Variants in KDM1A observed in about 807,000 individuals in gnomAD.
The protein encoded by KDM1A is lysine-specific histone demethylase 1A.
Under a neutral mutation model 109.4 loss-of-function variants are expected in KDM1A, and 49 were observed. The ratio of observed to expected loss-of-function variants is 0.45; its 90% confidence interval spans 0.36 to 0.57. The LOEUF is 0.57. KDM1A is among the 20% of genes least tolerant of loss of function. KDM1A has a pLI of 0.00. For missense variants in KDM1A, 668 were observed against 1,116.6 expected, an observed-to-expected ratio of 0.60 and a Z score of 5.73; for synonymous variants, 380 against 415.4, an observed-to-expected ratio of 0.91 and a Z score of 1.04.
intron 19 of KDM1A, 111 bp from the exon 20 acceptor site, chr1:23,082,109 G>T: frequency 8.0e-6 from 9 of 1,122,842 alleles, no homozygotes; most frequent in Non-Finnish European, 1.2e-5. Context: ...CTCACATGTT[G>T]CCCCTCTTTC....
At chr1:23,063,128 C>CTT (rs752039392) in intron 9 of KDM1A, among the ~76,000 whole-genome samples, 2 of 117,994 alleles carry the variant, frequency 1.7e-5, no homozygotes, top group Non-Finnish European at 3.5e-5. Context: ...ATGGGCTTTA[C>CTT]TTTTTTTTTT....
At chr1:23,081,915 T>C (rs1454466880) in intron 19 of KDM1A, 1 of 430,056 alleles carries the variant, frequency 2.3e-6, no homozygotes, top group Non-Finnish European at 4.2e-6. Context: ...TGAAATACTT[T>C]AACCCTTTAG....
chr1:23,030,354 C>A, intron 1 of KDM1A, 115 bp from the exon 2 acceptor site: 1 of 733,194 alleles, frequency 1.4e-6, no homozygotes, highest in Non-Finnish European at 2.0e-6. Context: ...TTGTTGTATG[C>A]TTACTTCCCT....
chr1:23,020,200 G>A, intron 1 of KDM1A: 1 of 391,330 alleles, frequency 2.6e-6, no homozygotes, highest in Non-Finnish European at 4.5e-6. Context: ...TGCTGGGAGG[G>A]GTATTTTATT....
At chr1:23,023,597 G>C (rs1325830465) in intron 1 of KDM1A, among the ~76,000 whole-genome samples, 1 of 152,038 alleles carries the variant, frequency 6.6e-6, no homozygotes, top group Non-Finnish European at 1.5e-5. Context: ...GATTACTTTA[G>C]TTTCATAATA....
chr1:23,069,205 CTT>C, intron 12 of KDM1A, 54 bp downstream of exon 12: 1 of 1,162,034 alleles, frequency 8.6e-7, no homozygotes, highest in South Asian at 1.5e-5. Flanking sequence ...GAGAAAAAGT[CTT>C]TAGAAATTTT....
At chr1:23,030,951 T>G (rs569430798) in intron 2 of KDM1A, among the ~76,000 whole-genome samples, 1 of 152,192 alleles carries the variant, frequency 6.6e-6, no homozygotes, top group East Asian at 1.9e-4. Flanking sequence ...AAATAAATGA[T>G]TAGAAAAAAC....
At chr1:23,045,525 C>A (rs1642477765) in intron 3 of KDM1A, among the ~76,000 whole-genome samples, 1 of 152,170 alleles carries the variant, frequency 6.6e-6, no homozygotes, top group Admixed American at 6.5e-5. Flanking sequence ...TGTTCAGAGT[C>A]TAGATCTGTG....
chr1:23,082,288 T>C lies in KDM1A; in HGVS notation c.2367T>C (p.Ala789=). The change falls in exon 20 of 21, where the codon GCT becomes GCC. Residue 789 remains alanine (A), a synonymous_variant. Coordinates refer to ENST00000400181, the MANE Select transcript of KDM1A (RefSeq NM_001009999.3). ...CTCGGGGCTCTTATTCCTATGTTGCTGCAGGATCATCTGGAAATGACTATG... is the reference window on the plus strand; with the variant it reads ...CTCGGGGCTCTTATTCCTATGTTGCCGCAGGATCATCTGGAAATGACTATG... ...PWARGSYSYV[A]AGSSGNDYDL... is the part of the protein sequence containing the mutation. 6.2e-7 allele frequency: 1 copy of C among 1,614,024 alleles called. No individual in the cohort carries two copies. Among genetic ancestry groups the C allele is most frequent in the Non-Finnish European group, 8.5e-7 (1 of 1,179,974 alleles).
At chr1:23,069,224 A>G in intron 12 of KDM1A, 73 bp downstream of exon 12, 1 of 918,638 alleles carries the variant, frequency 1.1e-6, no homozygotes, top group East Asian at 2.7e-5. Flanking sequence ...TTTTAAAAGC[A>G]TTTCCGAGAT....
chr1:23,066,645 A>T (rs1003349997), intron 10 of KDM1A, among the ~76,000 whole-genome samples: 1 of 152,174 alleles, frequency 6.6e-6, no homozygotes, highest in African/African-American at 2.4e-5. Context: ...TCCTCTTGCT[A>T]GGCATTTTAG....
At chr1:23,049,334 T>G (rs2124448050) in intron 3 of KDM1A, among the ~76,000 whole-genome samples, 1 of 152,220 alleles carries the variant, frequency 6.6e-6, no homozygotes, top group Middle Eastern at 3.4e-3. Context: ...GCATTTATTG[T>G]GCTTGTGTTT....
chr1:23,046,679 C>T (rs563379699), intron 3 of KDM1A, among the ~76,000 whole-genome samples: 1 of 152,226 alleles, frequency 6.6e-6, no homozygotes, highest in East Asian at 1.9e-4. Flanking sequence ...TAAATTATTC[C>T]TTCAAATATT....
intron 12 of KDM1A, among the ~76,000 whole-genome samples, chr1:23,070,369 G>A (rs1228395039): frequency 1.3e-5 from 2 of 152,142 alleles, no homozygotes; most frequent in African/African-American, 4.8e-5. Flanking sequence ...TACTCAGGAG[G>A]CTGAGGCATG....
chr1:23,071,450 CAATCACA>C, intron 13 of KDM1A, 91 bp downstream of exon 13: 1 of 1,252,696 alleles, frequency 8.0e-7, no homozygotes, highest in Non-Finnish European at 1.1e-6. Flanking sequence ...AGCCACTAGC[CAATCACA>C]AGTGCCTTCA....
rs1376066332 is a variant in KDM1A, at chr1:23,028,622, A to T, written c.352-1847A>T. 2.6e-5 allele frequency among the ~76,000 whole-genome samples: 4 copies of T among 152,276 alleles called. No homozygotes were observed. In the East Asian group the frequency reaches 7.7e-4, roughly 29 times the overall value. On this transcript the variant is annotated intron_variant, in intron 1 of 20. Transcript: ENST00000400181. ...AATCTTTGGGGAAGAGTCAAGCACT[A>T]TTGAGGGGTAAAAGGAGAAAGAAAA...
intron 9 of KDM1A, among the ~76,000 whole-genome samples, chr1:23,064,762 G>A (rs1643114399): frequency 6.6e-6 from 1 of 152,178 alleles, no homozygotes; most frequent in Admixed American, 6.5e-5. Flanking sequence ...GACACATTTA[G>A]AGACAGTCCA....
intron 9 of KDM1A, among the ~76,000 whole-genome samples, chr1:23,063,231 GGTGTGTGTGT>G (rs755287896): frequency 6.8e-5 from 2 of 29,516 alleles, no homozygotes; most frequent in Non-Finnish European, 2.1e-4. Context: ...GGTGTGTGTG[GGTGTGTGTGT>G]GTGTGTGTGT....
chr1:23,081,188 A>T, intron 18 of KDM1A: 1 of 409,110 alleles, frequency 2.4e-6, no homozygotes. Context: ...GAACTGCTGT[A>T]TTTTGCCAGG....
Sources: gnomAD v4.1 joint callset for allele counts (sites outside exome capture counted in the v4.1 genomes callset) on GRCh38, gnomAD v4.1.1 for gene constraint, MANE v1.5 for transcripts, NCBI Gene and HGNC (gene_info 2026-07-23, HGNC 2026-07-21) for gene names.